TYW1: variants seen among roughly 807,000 people sequenced by gnomAD.
TYW1 encodes the protein tRNA-yW synthesizing protein 1 homolog, also known as S-adenosyl-L-methionine-dependent tRNA 4-demethylwyosine synthase TYW1.
A neutral mutation model predicts 96.2 loss-of-function variants in TYW1; 46 were observed. That is an observed-to-expected ratio of 0.48 (90% confidence interval 0.38 to 0.61). The LOEUF is 0.61. TYW1 is among the 20% of genes least tolerant of loss of function. The pLI is 0.00. For synonymous variants in TYW1, 274 were observed against 323.0 expected, an observed-to-expected ratio of 0.85 and a Z score of 1.63; for missense variants, 684 against 909.6, an observed-to-expected ratio of 0.75 and a Z score of 3.19.
intron 4 of TYW1, among the ~76,000 whole-genome samples, chr7:67,013,161 G>T (rs1296716667): frequency 6.6e-6 from 1 of 150,824 alleles, no homozygotes; most frequent in African/African-American, 2.4e-5. Flanking sequence ...CGTTGCCCAG[G>T]CTGGAGTGCA....
At chr7:67,114,409 G>C (rs1304183116) in intron 12 of TYW1, 2 of 153,188 alleles carry the variant, frequency 1.3e-5, no homozygotes, top group African/African-American at 4.8e-5. Flanking sequence ...GGCAACATGG[G>C]AGAGGGATTT....
At chr7:67,058,634 A>G (rs1406879391) in intron 9 of TYW1, among the ~76,000 whole-genome samples, 2 of 151,848 alleles carry the variant, frequency 1.3e-5, no homozygotes, top group Non-Finnish European at 2.9e-5. Flanking sequence ...ATGCCTGGCA[A>G]AAGTTTTTTT....
intron 9 of TYW1, among the ~76,000 whole-genome samples, chr7:67,063,627 G>A (rs144242303): frequency 0.02 from 3,004 of 150,842 alleles, 50 homozygotes; most frequent in Non-Finnish European, 0.031. Context: ...TTTTTGAGGC[G>A]GAGTCTCGCT....
At chr7:67,209,341 T>C (rs1800919563) in intron 15 of TYW1, among the ~76,000 whole-genome samples, 1 of 152,184 alleles carries the variant, frequency 6.6e-6, no homozygotes, top group Non-Finnish European at 1.5e-5. Context: ...GCTTTCAGCC[T>C]AGCAGCTTAA....
intron 10 of TYW1, among the ~76,000 whole-genome samples, chr7:67,067,848 GAA>G (rs1313737336): frequency 6.6e-6 from 1 of 151,892 alleles, no homozygotes; most frequent in Admixed American, 6.6e-5. Flanking sequence ...TATCTTGCTG[GAA>G]ATACAAGCAG....
intron 7 of TYW1, among the ~76,000 whole-genome samples, chr7:67,042,671 G>A (rs1243480275): frequency 6.6e-6 from 1 of 152,078 alleles, no homozygotes; most frequent in African/African-American, 2.4e-5. Context: ...GTTAGCGGGT[G>A]TGGGGAGAGA....
chr7:67,178,280 A>G (rs1459923802), intron 13 of TYW1, among the ~76,000 whole-genome samples: 1 of 152,220 alleles, frequency 6.6e-6, no homozygotes, highest in Non-Finnish European at 1.5e-5. Flanking sequence ...GTTCACTAGT[A>G]GTGTGTTCAT....
intron 12 of TYW1, among the ~76,000 whole-genome samples, chr7:67,109,077 T>A (rs1381213204): frequency 4.6e-5 from 7 of 150,848 alleles, no homozygotes; most frequent in African/African-American, 1.7e-4. Flanking sequence ...ATCGAGACCA[T>A]CCTGGCTAAC....
intron 14 of TYW1, among the ~76,000 whole-genome samples, chr7:67,189,746 T>C (rs1400395451): frequency 6.6e-6 from 1 of 152,162 alleles, no homozygotes; most frequent in African/African-American, 2.4e-5. Context: ...AGCACATTTA[T>C]TTAAACAAAA....
chr7:67,215,848 T>C (rs910816561), intron 15 of TYW1, among the ~76,000 whole-genome samples: 14 of 152,158 alleles, frequency 9.2e-5, no homozygotes, highest in Non-Finnish European at 1.3e-4. Flanking sequence ...CCGTCTCTCC[T>C]TTTCATGTTT....
intron 15 of TYW1, among the ~76,000 whole-genome samples, chr7:67,199,443 A>G (rs1800516564): frequency 6.6e-6 from 1 of 152,136 alleles, no homozygotes. Flanking sequence ...TATCTATGAA[A>G]AGGTACCTTA....
rs1268110755 is a variant in TYW1 at position 67,014,542 on chromosome 7, A to G, written c.551A>G (p.Tyr184Cys). ...GTATTTGGCCTGGGAAATTCTGCCT[A>G]TGCTAGCCACTTCAACAAGGTAGGT... ...YAVFGLGNSA[Y>C]ASHFNKVGKN... Residue 184 changes from tyrosine (Y) to cysteine (C), a missense_variant, in exon 5 of 16, where the codon TAT becomes TGT. Transcript: ENST00000359626. The G allele has an allele frequency of 3.7e-6, 6 of 1,611,076 alleles. No homozygotes were observed. The highest frequency in any genetic ancestry group is 4.2e-6 in the Non-Finnish European group (5 of 1,178,924).
chr7:67,010,556 A>G (rs960936523), intron 4 of TYW1, among the ~76,000 whole-genome samples: 2 of 151,552 alleles, frequency 1.3e-5, no homozygotes, highest in East Asian at 3.9e-4. Flanking sequence ...GCTCACTGCA[A>G]GCTCCGCCTC....
chr7:67,086,939 C>G (rs545191829), intron 11 of TYW1, among the ~76,000 whole-genome samples: 4 of 152,078 alleles, frequency 2.6e-5, no homozygotes, highest in Non-Finnish European at 5.9e-5. Context: ...GCTTAAGGAG[C>G]TAATGGGACG....
chr7:67,230,484 C>T (rs1801717880), intron 15 of TYW1, among the ~76,000 whole-genome samples: 1 of 151,916 alleles, frequency 6.6e-6, no homozygotes, highest in African/African-American at 2.4e-5. Context: ...GCAGCAGTTC[C>T]TTGTACCCTC....
At chr7:67,052,408 A>T (rs1584504460) in intron 8 of TYW1, among the ~76,000 whole-genome samples, 2 of 152,328 alleles carry the variant, frequency 1.3e-5, no homozygotes, top group Non-Finnish European at 2.9e-5. Flanking sequence ...CAAGTTCAAT[A>T]ATCTTTCTTC....
intron 9 of TYW1, among the ~76,000 whole-genome samples, chr7:67,063,984 C>T (rs986441478): frequency 3.9e-5 from 6 of 152,158 alleles, no homozygotes; most frequent in East Asian, 3.9e-4. Flanking sequence ...TAATATGCTT[C>T]GATTTACATT....
intron 6 of TYW1, among the ~76,000 whole-genome samples, chr7:67,019,593 G>T (rs149439985): frequency 6.6e-6 from 1 of 151,998 alleles, no homozygotes; most frequent in African/African-American, 2.4e-5. Context: ...CTCGGACAGC[G>T]CTGGGATTGG....
At chr7:67,103,801 A>T (rs1219696642) in intron 12 of TYW1, among the ~76,000 whole-genome samples, 1 of 152,224 alleles carries the variant, frequency 6.6e-6, no homozygotes, top group African/African-American at 2.4e-5. Flanking sequence ...AAGTCAGCTC[A>T]TACAGCAAGT....
Sources: gnomAD v4.1 joint callset for allele counts (sites outside exome capture counted in the v4.1 genomes callset) on GRCh38, gnomAD v4.1.1 for gene constraint, MANE v1.5 for transcripts, NCBI Gene and HGNC (gene_info 2026-07-23, HGNC 2026-07-21) for gene names.